Variants in SERPINB3 observed in about 807,000 individuals in gnomAD.
The protein encoded by SERPINB3 is serpin family B member 3.
SERPINB3 carries 33 observed loss-of-function variants against 33.0 expected under a neutral mutation model. The observed-to-expected ratio is 1.00, with a 90% CI of 0.76 to 1.34. SERPINB3 has a LOEUF of 1.34. Ranked by LOEUF, SERPINB3 falls within the 40% of genes most tolerant of loss-of-function variation. SERPINB3 has a pLI of 0.00. For missense variants in SERPINB3, 518 were observed against 461.5 expected (o/e 1.12, Z -1.12); for synonymous variants, 200 against 170.9 (o/e 1.17, Z -1.33).
chr18:63,657,358 A>AG lies in SERPINB3; in HGVS notation c.523_524insC (p.Val175AlafsTer17). On this transcript the variant is annotated frameshift_variant, in exon 6 of 8. Transcript: ENST00000283752. LOFTEE classifies it high-confidence loss of function. ...TTTGAAATAGATTGCGTTCACAAGA[A>AG]CCAATGTGGTATTGCTGCCAATATT... 6.2e-7 allele frequency: 1 copy of AG among 1,610,686 alleles called. No individual in the cohort carries two copies. The highest frequency in any genetic ancestry group is 1.1e-5 in the South Asian group (1 of 90,674).
At chr18:63,656,594 T>A (rs1212398899) in intron 7 of SERPINB3, among the ~76,000 whole-genome samples, 1 of 152,208 alleles carries the variant, frequency 6.6e-6, no homozygotes, top group Non-Finnish European at 1.5e-5. Flanking sequence ...CATAATAATA[T>A]CATTAAATTG....
rs368664842 is a variant in SERPINB3 at position 63,656,531 on chromosome 18, G to A, written c.768+300C>T. 4.6e-5 allele frequency among the ~76,000 whole-genome samples: 7 copies of A among 151,966 alleles called. No individual in the cohort carries two copies. The South Asian group carries it at 8.3e-4, about 18-fold the overall frequency. ...ATTCCCTTTTTTACTTGGTGTATTCGTAAACTTTCCTCACATTGCTATATA... is the reference window on the plus strand; with the variant it reads ...ATTCCCTTTTTTACTTGGTGTATTCATAAACTTTCCTCACATTGCTATATA... On this transcript the variant is annotated intron_variant, in intron 7 of 7. Transcript: ENST00000283752.
Position 63,656,912 on chromosome 18 carries a change from G to C in SERPINB3, c.687C>G (p.Ala229=). 6.2e-7 allele frequency: 1 copy of C among 1,613,510 alleles called. No homozygotes were observed. The highest frequency in any genetic ancestry group is 2.2e-5 in the East Asian group (1 of 44,848). The change falls in exon 7 of 8, where the codon GCC becomes GCG. Residue 229 remains alanine (A), a synonymous_variant. Transcript: ENST00000283752. ...CTTTGTATGGTATTTCCAGGACCTT[G>C]GCCTGTACATCCTCCAGCGAGGCAA... The part of the protein sequence containing the change: ...FHFASLEDVQ[A]KVLEIPYKGK...
intron 3 of SERPINB3, 102 bp from the exon 4 acceptor site, chr18:63,659,629 A>G (rs1053686994): frequency 5.3e-6 from 8 of 1,501,342 alleles, no homozygotes; most frequent in Non-Finnish European, 7.3e-6. Context: ...GGTAGTCTCA[A>G]TGAGGACCTT....
chr18:63,655,700 T>A lies in SERPINB3; in HGVS notation c.1130A>T (p.Lys377Met), dbSNP rs1313033661. Residue 377 changes from lysine (K) to methionine (M), a missense_variant, in exon 8 of 8, where the codon AAG becomes ATG. Lys to Met is a moderately conservative substitution (Grantham distance 95). Transcript: ENST00000283752. Reference protein sequence around the residue: ...HPFLFFIRQNKTNSILFYGRF... With the variant: ...HPFLFFIRQNMTNSILFYGRF... ...GCCATAGAAGAGGATGCTGTTGGTCTTATTTTGCCTTATGAAGAATAGGAA... is the reference window on the plus strand; with the variant it reads ...GCCATAGAAGAGGATGCTGTTGGTCATATTTTGCCTTATGAAGAATAGGAA... The A allele has an allele frequency of 1.2e-6, 2 of 1,613,734 alleles. No individual in the cohort carries two copies. Among genetic ancestry groups the A allele is most frequent in the South Asian group, 2.2e-5 (2 of 91,026 alleles).
rs1041208658 is a variant in SERPINB3, at chr18:63,656,696, T to C, written c.768+135A>G. 10 of 1,022,352 alleles carry C rather than the reference T, an allele frequency of 9.8e-6. No homozygotes were observed. In the African/African-American group the frequency reaches 1.1e-4, roughly 12 times the overall value. 63.3% of individuals were successfully genotyped at this position (1,022,352 alleles called of 1,614,324 possible). A position where few individuals can be genotyped will look rare whatever the true frequency, so the allele number is the denominator to read the frequency against. On this transcript the variant is annotated intron_variant, in intron 7 of 7. Transcript: ENST00000283752. ...TGCTTAAATCTTTGTAATATGAAGG[T>C]GAGTCATCATTCCTCATTTAGAATT...
intron 3 of SERPINB3, among the ~76,000 whole-genome samples, chr18:63,660,400 CA>C (rs1208037536): frequency 1.3e-5 from 2 of 151,940 alleles, no homozygotes; most frequent in East Asian, 1.9e-4. Context: ...TTTATTATGA[CA>C]TTTTATGGGC....
intron 6 of SERPINB3, 59 bp from the exon 7 acceptor site, chr18:63,657,045 A>T (rs1913517196): frequency 7.0e-7 from 1 of 1,422,872 alleles, no homozygotes; most frequent in East Asian, 2.4e-5. Flanking sequence ...AAAAGATAAT[A>T]TTATTGAGAT....
At chr18:63,660,526 G>C (rs1019188770) in intron 3 of SERPINB3, among the ~76,000 whole-genome samples, 1 of 152,134 alleles carries the variant, frequency 6.6e-6, no homozygotes, top group African/African-American at 2.4e-5. Context: ...TCCTGCTCAT[G>C]TTCACCATTT....
chr18:63,657,298 G>T lies in SERPINB3; in HGVS notation c.584C>A (p.Thr195Asn), dbSNP rs1215892607. Reference sequence around the variant, plus strand: ...GTTTGGCCAAAATTTTTCCTCTTTAGTATCTTCTTTATTAAATTTCTTCTC... The same window carrying T: ...GTTTGGCCAAAATTTTTCCTCTTTATTATCTTCTTTATTAAATTTCTTCTC... ...QWEKKFNKEDTKEEKFWPNKN... is the reference protein window; with the variant it reads ...QWEKKFNKEDNKEEKFWPNKN... The change falls in exon 6 of 8, where the codon ACT (threonine) becomes AAT (asparagine). Residue 195 changes from threonine (T) to asparagine (N), a missense_variant. Physicochemically the swap from Thr to Asn is moderately conservative, Grantham distance 65. Transcript: ENST00000283752. The T allele has an allele frequency of 6.2e-7, 1 of 1,600,802 alleles. No homozygotes were observed.
chr18:63,657,057 T>A, intron 6 of SERPINB3, 71 bp from the exon 7 acceptor site: 2 of 1,312,036 alleles, frequency 1.5e-6, no homozygotes, highest in Non-Finnish European at 2.1e-6. Context: ...TATTGAGATA[T>A]CAACACATCC....
chr18:63,661,392 T>C (rs1434099743), intron 1 of SERPINB3, 150 bp from the exon 2 acceptor site: 2 of 849,744 alleles, frequency 2.4e-6, no homozygotes. Flanking sequence ...TCAATCTTTC[T>C]ACAATGTGCA....
At chr18:63,657,487 C>T (rs990832214) in intron 5 of SERPINB3, 75 bp from the exon 6 acceptor site, 32 of 1,237,876 alleles carry the variant, frequency 2.6e-5, no homozygotes, top group South Asian at 5.4e-5. Context: ...TGCAAATGTT[C>T]GTGACTGATC....
At position 63,655,778 on chromosome 18, in the gene SERPINB3, C is replaced by G. The variant is rs3180227; in HGVS notation, c.1052G>C (p.Gly351Ala). 251,261 of 1,601,132 alleles carry G rather than the reference C, an allele frequency of 0.16. 20,570 individuals carry two copies. Among genetic ancestry groups the G allele is most frequent in the Middle Eastern group, 0.21 (1,289 of 6,052 alleles). The change falls in exon 8 of 8, where the codon GGA (glycine) becomes GCA (alanine). Residue 351 changes from glycine (G) to alanine (A), a missense_variant. Gly to Ala is a moderately conservative substitution (Grantham distance 60). Coordinates refer to ENST00000283752, the MANE Select transcript of SERPINB3 (RefSeq NM_006919.3). ...AGTTGAAGTAGGTGATGATCCGAAT[C>G]CTACTACAGCGGTGGCAGCTGCAGC... ...AEAAAATAVVGFGSSPTSTNE... is the reference protein window; with the variant it reads ...AEAAAATAVVAFGSSPTSTNE...
At chr18:63,660,358 A>G (rs1195411997) in intron 3 of SERPINB3, among the ~76,000 whole-genome samples, 3 of 152,168 alleles carry the variant, frequency 2.0e-5, no homozygotes, top group Admixed American at 1.3e-4. Flanking sequence ...TGTGATTAGT[A>G]TAATTATAGC....
intron 7 of SERPINB3, among the ~76,000 whole-genome samples, chr18:63,656,273 C>A (rs937000311): frequency 3.5e-5 from 5 of 143,698 alleles, no homozygotes; most frequent in African/African-American, 1.5e-4. Context: ...TAAACAGAAT[C>A]AAGTTTTTAT....
rs924334593 is a variant in SERPINB3 at position 63,656,810 on chromosome 18, G to A, written c.768+21C>T. 3.8e-6 allele frequency: 6 copies of A among 1,579,236 alleles called. No individual in the cohort carries two copies. The African/African-American group carries it at 5.4e-5, about 14-fold the overall frequency. ...AAAATGTCAGGCAGTAGAAGGAAGA[G>A]TTGTAGATGCAAGTTCTTACCTTCT... On this transcript the variant is annotated intron_variant, in intron 7 of 7. Coordinates refer to ENST00000283752, the MANE Select transcript of SERPINB3 (RefSeq NM_006919.3).
chr18:63,657,249 T>C (rs759087744), intron 6 of SERPINB3, 21 bp downstream of exon 6: 3 of 1,261,964 alleles, frequency 2.4e-6, no homozygotes, highest in African/African-American at 3.0e-5. Flanking sequence ...TTACATTATA[T>C]AAATAAAATA....
chr18:63,655,780 T>TA lies in SERPINB3; in HGVS notation c.1049dup (p.Gly351ArgfsTer10), dbSNP rs755837972. The TA allele has an allele frequency of 2.0e-5, 31 of 1,582,732 alleles. No individual in the cohort carries two copies. Among genetic ancestry groups the TA allele is most frequent in the Non-Finnish European group, 2.6e-5 (31 of 1,176,744 alleles). ...TTGAAGTAGGTGATGATCCGAATCC[T>TA]ACTACAGCGGTGGCAGCTGCAGCTT... On this transcript the variant is annotated frameshift_variant, in exon 8 of 8. Coordinates refer to ENST00000283752, the MANE Select transcript of SERPINB3 (RefSeq NM_006919.3). LOFTEE classifies it low-confidence loss of function (END_TRUNC).
Sources: gnomAD v4.1 joint callset for allele counts (sites outside exome capture counted in the v4.1 genomes callset) on GRCh38, gnomAD v4.1.1 for gene constraint, MANE v1.5 for transcripts, NCBI Gene and HGNC (gene_info 2026-07-23, HGNC 2026-07-21) for gene names.